Variants in SARS2 observed in about 807,000 individuals in gnomAD.
SARS2 encodes the protein seryl-tRNA synthetase 2, mitochondrial.
A neutral mutation model predicts 66.8 loss-of-function variants in SARS2; 52 were observed. That is an observed-to-expected ratio of 0.78 (90% CI 0.62 to 0.98). The LOEUF is 0.98. SARS2 is among the 50% of genes least tolerant of loss of function. The probability of loss-of-function intolerance (pLI) is 0.00; values close to 1 mark genes in which losing one functional copy is unlikely to be tolerated. For synonymous variants in SARS2, 306 were observed against 281.4 expected (o/e 1.09, Z -0.87); for missense variants, 673 against 706.3 (o/e 0.95, Z 0.53).
In SARS2 at chr19:38,926,235, T is replaced by A; in HGVS notation, c.333A>T (p.Ala111=). Residue 111 remains alanine, a synonymous_variant, in exon 2 of 16, where the codon GCA becomes GCT. Coordinates refer to ENST00000221431, the MANE Select transcript of SARS2 (RefSeq NM_017827.4). ...EQIRSLEEEK[A]AVTEAVRALL... is the part of the protein sequence containing the mutation. ...GGGCCCGCACTGCCTCAGTCACAGCTGCCTTCTCTTCCTCCAGGCTCCGGA... is the reference window on the plus strand; with the variant it reads ...GGGCCCGCACTGCCTCAGTCACAGCAGCCTTCTCTTCCTCCAGGCTCCGGA... The A allele has an allele frequency of 6.2e-7, 1 of 1,606,856 alleles. No individual in the cohort carries two copies.
At chr19:38,925,847 C>T (rs544814620) in intron 2 of SARS2, among the ~76,000 whole-genome samples, 5 of 152,262 alleles carry the variant, frequency 3.3e-5, no homozygotes, top group South Asian at 2.1e-4. Flanking sequence ...TAGGGAGTCT[C>T]GCTCTGTCGC....
chr19:38,918,227 G>A (rs1974453946), intron 9 of SARS2, 88 bp from the exon 10 acceptor site: 1 of 1,401,204 alleles, frequency 7.1e-7, no homozygotes, highest in Non-Finnish European at 9.9e-7. Context: ...TCTGGTGGAT[G>A]CAACCCCAGG....
In SARS2 at chr19:38,922,255, T is replaced by C; in HGVS notation, c.376A>G (p.Ser126Gly). The C allele has an allele frequency of 6.2e-7, 1 of 1,613,450 alleles. No homozygotes were observed. The highest frequency in any genetic ancestry group is 8.5e-7 in the Non-Finnish European group (1 of 1,179,682). ...CACAGTACCTGCTGCACTTCACCAC[T>C]GTCCTGGTTTGCCTGGTAGAAAAGA... ...AVRALLANQD[S>G]GEVQQDPKYQ... is the part of the protein sequence containing the mutation. Residue 126 changes from serine to glycine, a missense_variant, in exon 3 of 16, where the codon AGT becomes GGT. By Grantham distance (56) the Ser-to-Gly change is moderately conservative. Transcript: ENST00000221431.
chr19:38,922,985 G>C (rs1974565003), intron 2 of SARS2, among the ~76,000 whole-genome samples: 1 of 150,138 alleles, frequency 6.7e-6, no homozygotes, highest in Non-Finnish European at 1.5e-5. Context: ...CTCACTGCAA[G>C]CTCCACCTCC....
Position 38,930,608 on chromosome 19 carries a change from G to C in SARS2, c.129C>G (p.Leu43=), listed in dbSNP as rs773436975. ...AGCCCTCGCGCGCATACTCGTACAG[G>C]AGGTTCCGGTTTCGTTTCTCTGTAG... ...SFTTEKRNRN[L]LYEYAREGYS... Residue 43 remains leucine (L), a synonymous_variant, in exon 1 of 16, where the codon CTC becomes CTG. Transcript: ENST00000221431. 1.9e-6 allele frequency: 3 copies of C among 1,614,142 alleles called. No homozygotes were observed. Among genetic ancestry groups the C allele is most frequent in the South Asian group, 2.2e-5 (2 of 91,088 alleles).
At position 38,917,741 on chromosome 19, in the gene SARS2, C is replaced by T. The variant is rs969615562; in HGVS notation, c.1143G>A (p.Glu381=). 1.2e-6 allele frequency: 2 copies of T among 1,613,010 alleles called. No homozygotes were observed. The highest frequency in any genetic ancestry group is 2.2e-5 in the South Asian group (2 of 91,060). The change falls in exon 12 of 16, where the codon GAG becomes GAA. Residue 381 remains glutamate, a synonymous_variant. Coordinates refer to ENST00000221431, the MANE Select transcript of SARS2 (RefSeq NM_017827.4). ...CTCCACACCGGAAGTGCAAGCCCAG[C>T]TCTGTCAAGATCTCCATCTGAAGGG... ...FLSLQMEILT[E]LGLHFRVLDM... is the part of the protein sequence containing the mutation.
chr19:38,915,696 C>T lies in SARS2; in HGVS notation c.1467G>A (p.Arg489=), dbSNP rs1391902113. The T allele has an allele frequency of 6.2e-7, 1 of 1,613,108 alleles. No individual in the cohort carries two copies. The change falls in exon 16 of 16, where the codon CGG becomes CGA. Residue 489 remains arginine (R), a synonymous_variant. Coordinates refer to ENST00000221431, the MANE Select transcript of SARS2 (RefSeq NM_017827.4). ...PALQSYLGTD[R]ITAPTHVPLQ... ...GAGGCACGTGGGTAGGGGCTGTGAT[C>T]CGATCAGTGCCGAGGTAGGACTGGA...
chr19:38,926,385 G>A (rs1010964913), intron 1 of SARS2, 85 bp from the exon 2 acceptor site: 37 of 1,229,308 alleles, frequency 3.0e-5, no homozygotes, highest in Non-Finnish European at 4.1e-5. Flanking sequence ...CTGGACCTGC[G>A]GCGCAGTGAG....
At chr19:38,918,737 G>A (rs1278410279) in intron 8 of SARS2, 29 bp downstream of exon 8, 2 of 1,554,546 alleles carry the variant, frequency 1.3e-6, no homozygotes, top group African/African-American at 1.4e-5. Flanking sequence ...CACCCAGGTG[G>A]GCGAGGGAAG....
intron 12 of SARS2, among the ~76,000 whole-genome samples, 183 bp from the exon 13 acceptor site, chr19:38,916,497 G>A (rs568215314): frequency 3.3e-5 from 5 of 152,198 alleles, no homozygotes; most frequent in East Asian, 3.9e-4. Context: ...AAAAGGAGAC[G>A]ATAGTGCCAA....
chr19:38,921,519 G>C lies in SARS2; in HGVS notation c.534+8C>G, dbSNP rs373247293. 8.7e-6 allele frequency: 14 copies of C among 1,614,058 alleles called. No homozygotes were observed. Among genetic ancestry groups the C allele is most frequent in the Non-Finnish European group, 1.2e-5 (14 of 1,180,010 alleles). On this transcript the variant is annotated splice_region_variant and intron_variant, in intron 4 of 15. Transcript: ENST00000221431. ...CCTGGCCTCCCTGCCACCCAGCACG[G>C]TGCTCACCACGTCTGGGTGGGTCTG...
rs1006897372 is a variant in SARS2, at chr19:38,917,176, T to C, written c.1160+548A>G. Among the ~76,000 whole-genome samples, 3 of 152,022 alleles carry C rather than the reference T, an allele frequency of 2.0e-5. No individual in the cohort carries two copies. The East Asian group carries it at 5.8e-4, about 29-fold the overall frequency. ...GCTCTCGCTGTGTTGCCCAGGCTGG[T>C]CTTGAACTCCTGGCCTCAAGCAATC... On this transcript the variant is annotated intron_variant, in intron 12 of 15. Coordinates refer to ENST00000221431, the MANE Select transcript of SARS2 (RefSeq NM_017827.4).
intron 5 of SARS2, among the ~76,000 whole-genome samples, chr19:38,920,399 G>A (rs1241145656): frequency 4.0e-5 from 6 of 151,768 alleles, no homozygotes; most frequent in African/African-American, 1.5e-4. Flanking sequence ...AGAGGGCGCG[G>A]GGTGGGGAAG....
intron 2 of SARS2, among the ~76,000 whole-genome samples, chr19:38,924,015 C>T (rs1974587129): frequency 6.6e-6 from 1 of 151,778 alleles, no homozygotes; most frequent in African/African-American, 2.4e-5. Context: ...GCCTGTAATC[C>T]CAGCGACTCA....
chr19:38,918,008 C>A lies in SARS2; in HGVS notation c.963G>T (p.Arg321Ser), dbSNP rs1199661737. 2.5e-6 allele frequency: 4 copies of A among 1,600,600 alleles called. No homozygotes were observed. In the South Asian group the frequency reaches 4.5e-5, roughly 18 times the overall value. The stretch of plus-strand genomic sequence containing the variant: ...GGTAGCAGGTGCTGGAGCAAACCAT[C>A]CTGGCAGAGAGCAGGGAAAGTCGGG... ...HTVAFRDLPV[R>S]MVCSSTCYRA... Residue 321 changes from arginine to serine, a missense_variant and splice_region_variant, in exon 11 of 16, where the codon AGG (arginine) becomes AGT (serine). Transcript: ENST00000221431.
chr19:38,919,608 A>G (rs1974480708), intron 7 of SARS2, among the ~76,000 whole-genome samples, 154 bp downstream of exon 7: 1 of 152,146 alleles, frequency 6.6e-6, no homozygotes, highest in African/African-American at 2.4e-5. Context: ...CCACTTCATA[A>G]AGTTGTCGTA....
chr19:38,927,503 G>A (rs768170106), intron 1 of SARS2, among the ~76,000 whole-genome samples: 18 of 151,676 alleles, frequency 1.2e-4, no homozygotes, highest in Non-Finnish European at 1.9e-4. Flanking sequence ...AAGTCTCACG[G>A]AGCCTGAGAG....
intron 9 of SARS2, 51 bp from the exon 10 acceptor site, chr19:38,918,190 GC>G (rs1216346530): frequency 1.3e-6 from 2 of 1,553,158 alleles, no homozygotes; most frequent in Non-Finnish European, 1.7e-6. Flanking sequence ...CCCAGAGGAA[GC>G]CTTTGGAAGA....
chr19:38,921,799 G>A (rs535501803), intron 3 of SARS2, 132 bp from the exon 4 acceptor site: 10 of 1,411,142 alleles, frequency 7.1e-6, no homozygotes, highest in African/African-American at 5.7e-5. Flanking sequence ...GATCCTGAAC[G>A]TCTTCGCAGA....
Sources: gnomAD v4.1 joint callset for allele counts (sites outside exome capture counted in the v4.1 genomes callset) on GRCh38, gnomAD v4.1.1 for gene constraint, MANE v1.5 for transcripts, NCBI Gene and HGNC (gene_info 2026-07-23, HGNC 2026-07-21) for gene names.